The following ABCC9 variants were observed in gnomAD, a reference collection of about 807,000 sequenced individuals.
ABCC9 encodes the protein ATP binding cassette subfamily C member 9, also known as ATP-binding cassette sub-family C member 9.
Under a neutral mutation model 188.3 loss-of-function variants are expected in ABCC9, and 95 were observed. The ratio of observed to expected loss-of-function variants is 0.50; its 90% CI spans 0.43 to 0.60. The LOEUF (loss-of-function observed/expected upper bound fraction) is 0.60. Among genes scored for constraint, ABCC9 ranks in the 20% least tolerant of loss-of-function variants. ABCC9 has a pLI of 0.00. For synonymous variants in ABCC9, 659 were observed against 652.7 expected (o/e 1.01, Z -0.15); for missense variants, 1,102 against 1,876.3 (o/e 0.59, Z 7.62).
At chr12:21,846,829 T>C (rs1404117981) in intron 25 of ABCC9, among the ~76,000 whole-genome samples, 1 of 152,142 alleles carries the variant, frequency 6.6e-6, no homozygotes, top group Non-Finnish European at 1.5e-5. Context: ...AATTTAAAGT[T>C]GTCCATGGCT....
chr12:21,889,972 GTCTA>G (rs1947071745), intron 14 of ABCC9, among the ~76,000 whole-genome samples: 1 of 152,088 alleles, frequency 6.6e-6, no homozygotes, highest in African/African-American at 2.4e-5. Context: ...TTTGTTCCAT[GTCTA>G]TCTCTCCCAC....
chr12:21,905,879 C>T (rs1420321289), intron 12 of ABCC9, among the ~76,000 whole-genome samples: 1 of 152,062 alleles, frequency 6.6e-6, no homozygotes, highest in Non-Finnish European at 1.5e-5. Context: ...TGGCCAAGGG[C>T]ACACTAGTTG....
At chr12:21,908,781 T>C (rs1948170498) in intron 10 of ABCC9, among the ~76,000 whole-genome samples, 1 of 151,890 alleles carries the variant, frequency 6.6e-6, no homozygotes, top group Admixed American at 6.6e-5. Context: ...ACTAAAACTG[T>C]TAAAAAGCTA....
chr12:21,918,739 C>T (rs1948695876), intron 5 of ABCC9, among the ~76,000 whole-genome samples: 1 of 152,036 alleles, frequency 6.6e-6, no homozygotes, highest in Admixed American at 6.6e-5. Context: ...TCTGCTGGCT[C>T]AATAAAGACT....
At chr12:21,903,927 CTACTT>C (rs1200375401) in intron 12 of ABCC9, among the ~76,000 whole-genome samples, 5 of 152,330 alleles carry the variant, frequency 3.3e-5, no homozygotes, top group African/African-American at 1.2e-4. Flanking sequence ...TTGAAAAAAA[CTACTT>C]TAAAGTTCAT....
chr12:21,810,203 A>G (rs1411370248), intron 36 of ABCC9, among the ~76,000 whole-genome samples: 1 of 152,188 alleles, frequency 6.6e-6, no homozygotes, highest in East Asian at 1.9e-4. Context: ...ACATTATATC[A>G]TATTATCAAG....
In ABCC9 at chr12:21,920,898, C is replaced by T. The variant is rs1188333512; in HGVS notation, c.407-3795G>A. ...TCCATGTGGTTGCAAATGACAGGATCTTATTCTTATTTTATGGCTAAATAG... is the reference window on the plus strand; with the variant it reads ...TCCATGTGGTTGCAAATGACAGGATTTTATTCTTATTTTATGGCTAAATAG... On this transcript the variant is annotated intron_variant, in intron 5 of 39. Coordinates refer to ENST00000261200, the MANE Select transcript of ABCC9 (RefSeq NM_020297.4). Among the ~76,000 whole-genome samples the T allele has an allele frequency of 2.6e-5, 4 of 151,992 alleles. No homozygotes were observed. The East Asian group carries it at 7.7e-4, about 29-fold the overall frequency.
At chr12:21,805,916 T>C (rs139272863) in intron 39 of ABCC9, 82 bp downstream of exon 39, 1 of 1,258,204 alleles carries the variant, frequency 7.9e-7, no homozygotes. Context: ...TCAACACAAG[T>C]ATATTTTGCT....
intron 15 of ABCC9, among the ~76,000 whole-genome samples, chr12:21,886,767 C>T (rs1946896382): frequency 6.6e-6 from 1 of 152,142 alleles, no homozygotes. Context: ...GCTCCAGCCA[C>T]AGTGCCCCTC....
intron 12 of ABCC9, among the ~76,000 whole-genome samples, chr12:21,903,960 C>T (rs1947900641): frequency 1.3e-5 from 2 of 152,142 alleles, no homozygotes; most frequent in Admixed American, 1.3e-4. Context: ...CAAAAAAGAG[C>T]CCACATTGCC....
intron 12 of ABCC9, among the ~76,000 whole-genome samples, chr12:21,903,393 C>CA (rs1441046333): frequency 3.9e-5 from 6 of 152,306 alleles, no homozygotes; most frequent in African/African-American, 1.4e-4. Flanking sequence ...CCTCTCTCAT[C>CA]ACTCCTATTC....
At chr12:21,818,427 G>A (rs1942802697) in intron 31 of ABCC9, among the ~76,000 whole-genome samples, 176 bp from the exon 32 acceptor site, 1 of 150,196 alleles carries the variant, frequency 6.7e-6, no homozygotes, top group Non-Finnish European at 1.5e-5. Context: ...TATTAGAGCT[G>A]GAATGGAGAG....
chr12:21,895,162 AG>A, intron 13 of ABCC9, 112 bp downstream of exon 13: 1 of 897,680 alleles, frequency 1.1e-6, no homozygotes, highest in Admixed American at 1.9e-5. Flanking sequence ...ACTGCCATAG[AG>A]AGAAGTCACA....
chr12:21,850,595 T>C (rs1261929910), intron 24 of ABCC9, among the ~76,000 whole-genome samples: 1 of 152,206 alleles, frequency 6.6e-6, no homozygotes, highest in African/African-American at 2.4e-5. Context: ...ACTTCATTTC[T>C]AAATACAACT....
chr12:21,895,241 GT>G, intron 13 of ABCC9, 33 bp downstream of exon 13: 1 of 1,587,134 alleles, frequency 6.3e-7, no homozygotes. Context: ...CACTGACTTG[GT>G]TTCATTTCTA....
chr12:21,831,966 T>TA (rs1306313875), intron 30 of ABCC9, among the ~76,000 whole-genome samples: 6 of 152,316 alleles, frequency 3.9e-5, no homozygotes, highest in Admixed American at 3.3e-4. Context: ...GATCCACTCT[T>TA]AAAGAGTTTG....
chr12:21,899,865 G>A (rs936596494), intron 12 of ABCC9, among the ~76,000 whole-genome samples: 3 of 152,202 alleles, frequency 2.0e-5, no homozygotes, highest in Non-Finnish European at 2.9e-5. Flanking sequence ...GCCTGCCTCT[G>A]TAGACTCCAC....
chr12:21,807,335 A>G lies in ABCC9; in HGVS notation c.4449+11T>C. On this transcript the variant is annotated intron_variant, in intron 38 of 39. Coordinates refer to ENST00000261200, the MANE Select transcript of ABCC9 (RefSeq NM_020297.4). ...ATTCGTCAATTTTAAAAGCTTAGAT[A>G]ATGCACTCACTGTGGCCATGTCAAT... The G allele has an allele frequency of 6.2e-7, 1 of 1,613,812 alleles. No homozygotes were observed. The highest frequency in any genetic ancestry group is 8.5e-7 in the Non-Finnish European group (1 of 1,179,716).
At chr12:21,853,181 T>C (rs1389193374) in intron 22 of ABCC9, among the ~76,000 whole-genome samples, 1 of 151,866 alleles carries the variant, frequency 6.6e-6, no homozygotes, top group Non-Finnish European at 1.5e-5. Flanking sequence ...GGGCATGGTG[T>C]CGTGGGCTTG....
Sources: gnomAD v4.1 joint callset for allele counts (sites outside exome capture counted in the v4.1 genomes callset) on GRCh38, gnomAD v4.1.1 for gene constraint, MANE v1.5 for transcripts, NCBI Gene and HGNC (gene_info 2026-07-23, HGNC 2026-07-21) for gene names.